Variants in MDN1 observed in about 807,000 individuals in gnomAD.
MDN1 encodes the protein midasin AAA ATPase 1.
MDN1 carries 266 observed loss-of-function variants against 669.2 expected under a neutral mutation model. That is an observed-to-expected ratio of 0.40 (90% confidence interval 0.36 to 0.44). The LOEUF (loss-of-function observed/expected upper bound fraction) is 0.44, where lower values mean the gene tolerates loss of function less well. MDN1 is among the 20% of genes least tolerant of loss of function. MDN1 has a pLI of 1.00. For missense variants in MDN1, 5,940 were observed against 6,754.0 expected, an observed-to-expected ratio of 0.88 and a Z score of 4.22; for synonymous variants, 2,385 against 2,457.1, an observed-to-expected ratio of 0.97 and a Z score of 0.87.
intron 53 of MDN1, among the ~76,000 whole-genome samples, chr6:89,704,312 C>T (rs1447530873): frequency 2.0e-5 from 3 of 152,056 alleles, no homozygotes; most frequent in African/African-American, 4.8e-5. Flanking sequence ...ACCTAGGAGG[C>T]GGAGGTTGGC....
chr6:89,690,919 A>T, intron 63 of MDN1, 85 bp from the exon 64 acceptor site: 1 of 1,447,278 alleles, frequency 6.9e-7, no homozygotes, highest in Non-Finnish European at 9.4e-7. Context: ...TTTCTCATGA[A>T]AATGAAAGTA....
At chr6:89,770,044 G>C (rs1818002418) in intron 15 of MDN1, among the ~76,000 whole-genome samples, 1 of 152,106 alleles carries the variant, frequency 6.6e-6, no homozygotes, top group Non-Finnish European at 1.5e-5. Context: ...GCTGTGCTAA[G>C]CCATGATCAC....
In MDN1 at chr6:89,790,426, G is replaced by C. The variant is rs370776037; in HGVS notation, c.856-25C>G. ...CCTAAAGAGGCAAGACAAAAGCCAT[G>C]TCAAGAAGAGTTCTTCCCCCAAGGA... On this transcript the variant is annotated intron_variant, in intron 5 of 101. Coordinates refer to ENST00000369393, the MANE Select transcript of MDN1 (RefSeq NM_014611.3). The C allele has an allele frequency of 4.3e-6, 7 of 1,613,040 alleles. No homozygotes were observed. The African/African-American group carries it at 8.0e-5, about 18-fold the overall frequency.
At chr6:89,718,303 C>T (rs749211893) in intron 43 of MDN1, 63 bp downstream of exon 43, 138 of 1,450,904 alleles carry the variant, frequency 9.5e-5, no homozygotes, top group Non-Finnish European at 1.2e-4. Context: ...AAATCTATTA[C>T]GTGTAAATGG....
In MDN1 at chr6:89,673,369, C is replaced by A; in HGVS notation, c.13341G>T (p.Gly4447=). ...GTGAGTCTCTTTGCTCAACCTCCAT[C>A]CCTGGAAGAATGAACAAGGACTCTA... The part of the protein sequence containing the change: ...QGLESLFILP[G]MEVEQRDSQM... The change falls in exon 80 of 102, where the codon GGG becomes GGT. Residue 4447 remains glycine (G), a synonymous_variant. Transcript: ENST00000369393. 2 of 1,614,186 alleles carry A rather than the reference C, an allele frequency of 1.2e-6. No individual in the cohort carries two copies. Among genetic ancestry groups the A allele is most frequent in the Non-Finnish European group, 1.7e-6 (2 of 1,180,028 alleles).
chr6:89,796,866 C>T (rs1296277377), intron 2 of MDN1, among the ~76,000 whole-genome samples: 3 of 150,522 alleles, frequency 2.0e-5, no homozygotes, highest in South Asian at 4.2e-4. Context: ...GTCGGGAGTT[C>T]GAGACCAGCC....
intron 7 of MDN1, 39 bp downstream of exon 7, chr6:89,789,741 A>G (rs770565885): frequency 6.5e-7 from 1 of 1,545,426 alleles, no homozygotes; most frequent in South Asian, 1.2e-5. Flanking sequence ...AAGACAGGAA[A>G]ATATATTAAG....
chr6:89,805,915 G>A (rs942658546), intron 1 of MDN1, among the ~76,000 whole-genome samples: 16 of 152,202 alleles, frequency 1.1e-4, no homozygotes, highest in African/African-American at 3.1e-4. Flanking sequence ...CTGCATGTCC[G>A]CATAAACAAG....
chr6:89,757,385 T>C (rs1817309895), intron 19 of MDN1, among the ~76,000 whole-genome samples: 1 of 152,214 alleles, frequency 6.6e-6, no homozygotes, highest in African/African-American at 2.4e-5. Context: ...TATATCGTGT[T>C]ATGAAATTTT....
chr6:89,687,301 C>G, intron 68 of MDN1, 43 bp downstream of exon 68: 1 of 1,541,044 alleles, frequency 6.5e-7, no homozygotes, highest in Non-Finnish European at 8.9e-7. Context: ...AAGACAAAAG[C>G]CCTTACAACC....
intron 36 of MDN1, 32 bp from the exon 37 acceptor site, chr6:89,727,987 T>C: frequency 6.3e-7 from 1 of 1,578,432 alleles, no homozygotes. Flanking sequence ...AAAGAAGCCA[T>C]TATTACTTTA....
intron 100 of MDN1, among the ~76,000 whole-genome samples, chr6:89,645,877 GA>G (rs757329320): frequency 2.6e-4 from 39 of 152,264 alleles, no homozygotes; most frequent in African/African-American, 7.5e-4. Context: ...GAGATTTTTG[GA>G]AAAGAACTAA....
At position 89,674,237 on chromosome 6, in the gene MDN1, G is replaced by A. The variant is rs369011833; in HGVS notation, c.13114C>T (p.Arg4372Trp). 8 of 1,614,106 alleles carry A rather than the reference G, an allele frequency of 5.0e-6. No individual in the cohort carries two copies. The highest frequency in any genetic ancestry group is 1.3e-5 in the African/African-American group (1 of 74,922). The change falls in exon 79 of 102, where the codon CGG becomes TGG. Residue 4372 changes from arginine (R) to tryptophan (W), a missense_variant. Around this residue, in one of 5 missense-constraint regions of MDN1, gnomAD observed 2,280 missense variants for 2,576.3 expected, o/e 0.88. Coordinates refer to ENST00000369393, the MANE Select transcript of MDN1 (RefSeq NM_014611.3). Reference sequence around the variant, plus strand: ...CAAAGGTGATCCTGTTTCCGCATCCGGCAACCAGAGGGCAGCTGACTTCCA... The same window carrying A: ...CAAAGGTGATCCTGTTTCCGCATCCAGCAACCAGAGGGCAGCTGACTTCCA... ...IPGSQLPSGC[R>W]MRKQDHLWQQ...
chr6:89,688,497 C>T (rs925976506), intron 66 of MDN1, 76 bp downstream of exon 66: 44 of 1,374,028 alleles, frequency 3.2e-5, no homozygotes, highest in South Asian at 8.1e-5. Flanking sequence ...GTGGGTGCCC[C>T]CAGGGATAAT....
intron 34 of MDN1, among the ~76,000 whole-genome samples, chr6:89,731,161 A>G (rs974256182): frequency 4.6e-5 from 7 of 152,228 alleles, no homozygotes; most frequent in African/African-American, 1.7e-4. Context: ...CTCAGTGATA[A>G]ATCAGCCTAC....
chr6:89,702,975 G>A (rs1465157380), intron 53 of MDN1, among the ~76,000 whole-genome samples: 6 of 147,958 alleles, frequency 4.1e-5, no homozygotes, highest in South Asian at 4.3e-4. Context: ...TTGCTCCATC[G>A]CCAAGGCTAG....
rs747855642 is a variant in MDN1, at chr6:89,708,482, C to G, written c.7898+14G>C. ...GTGAGGCAAACAGTGCCCAGAGCAGCAGGTTTCACTTACTTGTTTGCAGCT... is the reference window on the plus strand; with the variant it reads ...GTGAGGCAAACAGTGCCCAGAGCAGGAGGTTTCACTTACTTGTTTGCAGCT... On this transcript the variant is annotated intron_variant, in intron 51 of 101. Transcript: ENST00000369393. The G allele has an allele frequency of 6.2e-7, 1 of 1,613,570 alleles. No homozygotes were observed. The highest frequency in any genetic ancestry group is 1.1e-5 in the South Asian group (1 of 90,942).
chr6:89,801,542 T>C (rs1347013561), intron 2 of MDN1, among the ~76,000 whole-genome samples: 1 of 151,998 alleles, frequency 6.6e-6, no homozygotes, highest in Non-Finnish European at 1.5e-5. Flanking sequence ...TCCCAGCTAC[T>C]TGGGGGGCTG....
chr6:89,656,666 C>G, intron 91 of MDN1, 34 bp downstream of exon 91: 1 of 1,456,836 alleles, frequency 6.9e-7, no homozygotes, highest in South Asian at 1.2e-5. Context: ...TACATGCTGC[C>G]TTCACCTAAG....
Sources: allele counts gnomAD v4.1 joint callset (sites outside exome capture counted in the v4.1 genomes callset), GRCh38; gene constraint gnomAD v4.1.1; regional missense constraint gnomAD v4.1.1; transcripts MANE v1.5; gene names NCBI Gene and HGNC (gene_info 2026-07-23, HGNC 2026-07-21).